Variants in GPC5 observed in about 807,000 individuals in gnomAD.
GPC5 encodes glypican 5.
Under a neutral mutation model 53.9 loss-of-function variants are expected in GPC5, and 47 were observed. The observed-to-expected ratio is 0.87, with a 90% CI of 0.69 to 1.11. GPC5 has a LOEUF of 1.11. Among genes scored for constraint, GPC5 ranks in the 50% most tolerant of loss-of-function variants. The pLI, the probability that GPC5 is intolerant of heterozygous loss-of-function variation, is 0.00. For synonymous variants in GPC5, 286 were observed against 263.3 expected, an observed-to-expected ratio of 1.09 and a Z score of -0.84; for missense variants, 748 against 713.1, an observed-to-expected ratio of 1.05 and a Z score of -0.56.
intron 6 of GPC5, among the ~76,000 whole-genome samples, chr13:92,096,744 T>C (rs1489672950): frequency 6.6e-6 from 1 of 152,206 alleles, no homozygotes; most frequent in Admixed American, 6.5e-5. Context: ...ACCATGTTGG[T>C]ATGTTGTTCT....
At chr13:91,718,880 A>G (rs1290815988) in intron 3 of GPC5, among the ~76,000 whole-genome samples, 2 of 152,080 alleles carry the variant, frequency 1.3e-5, no homozygotes, top group East Asian at 3.9e-4. Context: ...TGGTGTTTCT[A>G]TTGTACTGAA....
At chr13:92,360,406 G>C (rs780019623) in intron 7 of GPC5, among the ~76,000 whole-genome samples, 1 of 151,542 alleles carries the variant, frequency 6.6e-6, no homozygotes, top group Non-Finnish European at 1.5e-5. Flanking sequence ...ATCCATAAAA[G>C]GCTTTTGATA....
chr13:92,353,266 C>CAAAAAAAAAAAAAAAAA (rs563794696), intron 7 of GPC5, among the ~76,000 whole-genome samples: 2 of 66,952 alleles, frequency 3.0e-5, no homozygotes, highest in African/African-American at 5.9e-5. Flanking sequence ...GACTCCGTCT[C>CAAAAAAAAAAAAAAAAA]AAAAAAAAAA....
intron 7 of GPC5, among the ~76,000 whole-genome samples, chr13:92,643,477 CAA>C (rs1459419837): frequency 1.4e-5 from 2 of 144,892 alleles, no homozygotes; most frequent in Non-Finnish European, 3.0e-5. Context: ...GGAACCAACC[CAA>C]ATGTCCAACA....
At chr13:92,354,768 G>A (rs2043508583) in intron 7 of GPC5, among the ~76,000 whole-genome samples, 1 of 152,124 alleles carries the variant, frequency 6.6e-6, no homozygotes, top group Non-Finnish European at 1.5e-5. Context: ...AAAAAATGGG[G>A]GAAGAGCATT....
At chr13:91,808,040 G>A (rs2038249003) in intron 5 of GPC5, among the ~76,000 whole-genome samples, 1 of 152,056 alleles carries the variant, frequency 6.6e-6, no homozygotes, top group Non-Finnish European at 1.5e-5. Context: ...GAATTTAAGA[G>A]TATACAGCTG....
chr13:92,619,555 G>T (rs1884803955), intron 7 of GPC5, among the ~76,000 whole-genome samples: 1 of 151,848 alleles, frequency 6.6e-6, no homozygotes, highest in African/African-American at 2.4e-5. Context: ...AAGATGATAA[G>T]ATTTTTCTCT....
intron 1 of GPC5, among the ~76,000 whole-genome samples, chr13:91,447,368 G>A (rs1302267369): frequency 6.7e-6 from 1 of 148,964 alleles, no homozygotes; most frequent in Non-Finnish European, 1.5e-5. Context: ...GTTTGAAGTA[G>A]AATTTGCTCT....
intron 5 of GPC5, among the ~76,000 whole-genome samples, chr13:91,846,339 C>T (rs2038848655): frequency 6.6e-6 from 1 of 151,988 alleles, no homozygotes; most frequent in African/African-American, 2.4e-5. Context: ...TATCATAGTA[C>T]CGCCTTAAAT....
chr13:91,675,255 A>T (rs1461690228), intron 2 of GPC5, among the ~76,000 whole-genome samples: 1 of 152,190 alleles, frequency 6.6e-6, no homozygotes, highest in Non-Finnish European at 1.5e-5. Flanking sequence ...ATTTACAATA[A>T]GTATAAGGAC....
At chr13:91,873,982 G>T (rs1291685839) in intron 5 of GPC5, among the ~76,000 whole-genome samples, 4 of 152,262 alleles carry the variant, frequency 2.6e-5, no homozygotes, top group East Asian at 3.9e-4. Flanking sequence ...TGCCCAGCCT[G>T]GGGCAAGTTA....
intron 7 of GPC5, among the ~76,000 whole-genome samples, chr13:92,225,793 TTA>T (rs1466135998): frequency 1.3e-5 from 2 of 152,188 alleles, no homozygotes; most frequent in East Asian, 3.8e-4. Flanking sequence ...AGGCCCAGTT[TTA>T]TGTCTTTTTT....
At chr13:91,764,334 C>T (rs1224029620) in intron 5 of GPC5, among the ~76,000 whole-genome samples, 1 of 152,158 alleles carries the variant, frequency 6.6e-6, no homozygotes, top group Non-Finnish European at 1.5e-5. Context: ...ACAGGTCTTC[C>T]GTATCTCTCT....
At position 91,964,041 on chromosome 13, in the gene GPC5, G is replaced by A. The variant is rs539107437; in HGVS notation, c.1401+55984G>A. On this transcript the variant is annotated intron_variant, in intron 6 of 7. Coordinates refer to ENST00000377067, the MANE Select transcript of GPC5 (RefSeq NM_004466.6). ...TGGTCTCGCCGACTTCAAGAATGAA[G>A]CCATGGACTCTCGCGGTGTTACAGT... Among the ~76,000 whole-genome samples the A allele has an allele frequency of 1.5e-4, 23 of 152,268 alleles. No homozygotes were observed. The South Asian group carries it at 4.4e-3, about 29-fold the overall frequency.
At chr13:92,325,895 T>C (rs1166457304) in intron 7 of GPC5, among the ~76,000 whole-genome samples, 1 of 152,072 alleles carries the variant, frequency 6.6e-6, no homozygotes, top group African/African-American at 2.4e-5. Flanking sequence ...ACTTTTGGGA[T>C]TGATGGATAG....
chr13:91,985,726 C>T (rs2040400688), intron 6 of GPC5, among the ~76,000 whole-genome samples: 2 of 152,136 alleles, frequency 1.3e-5, no homozygotes, highest in African/African-American at 2.4e-5. Context: ...ACTTTACTTT[C>T]TTATCCCTTC....
At chr13:91,927,988 CAATA>C (rs1166386896) in intron 6 of GPC5, among the ~76,000 whole-genome samples, 1 of 152,132 alleles carries the variant, frequency 6.6e-6, no homozygotes, top group Non-Finnish European at 1.5e-5. Flanking sequence ...CTATCAAAAT[CAATA>C]AATAGATTGA....
chr13:91,941,614 C>A (rs1406829225), intron 6 of GPC5, among the ~76,000 whole-genome samples: 2 of 152,090 alleles, frequency 1.3e-5, no homozygotes, highest in Non-Finnish European at 2.9e-5. Context: ...ATAACCACAG[C>A]TGAATGATCA....
intron 7 of GPC5, among the ~76,000 whole-genome samples, chr13:92,189,911 A>G (rs1386183839): frequency 6.6e-6 from 1 of 152,184 alleles, no homozygotes; most frequent in Non-Finnish European, 1.5e-5. Flanking sequence ...GAAAAGCAAA[A>G]GAAGGAAAGG....
Sources: allele counts gnomAD v4.1 joint callset (sites outside exome capture counted in the v4.1 genomes callset), GRCh38; gene constraint gnomAD v4.1.1; transcripts MANE v1.5; gene names NCBI Gene and HGNC (gene_info 2026-07-23, HGNC 2026-07-21).